Variants in RAP1GAP2 observed in about 807,000 individuals in gnomAD.
RAP1GAP2 encodes the protein rap1 GTPase-activating protein 2.
A neutral mutation model predicts 95.0 loss-of-function variants in RAP1GAP2; 27 were observed. The ratio of observed to expected loss-of-function variants is 0.28; its 90% CI spans 0.21 to 0.39. The LOEUF is 0.39. Ranked by LOEUF, RAP1GAP2 falls within the 10% of genes least tolerant of loss-of-function variation. RAP1GAP2 has a pLI of 1.00. For missense variants in RAP1GAP2, 771 were observed against 970.0 expected (o/e 0.79, Z 2.72); for synonymous variants, 373 against 380.9 (o/e 0.98, Z 0.24).
At chr17:2,999,965 T>C (rs987615843) in intron 14 of RAP1GAP2, among the ~76,000 whole-genome samples, 1 of 152,106 alleles carries the variant, frequency 6.6e-6, no homozygotes, top group African/African-American at 2.4e-5. Context: ...CTTTTCTTTT[T>C]GAGACAGAGT....
chr17:3,036,964 G>GGAGGCCAGCAGGGACCAA lies in RAP1GAP2; in HGVS notation c.*3604_*3605insAGGCCAGCAGGGACCAAG. On this transcript the variant is annotated 3_prime_UTR_variant, in exon 25 of 25. Transcript: ENST00000254695. ...GGGTACAGGAGGCCAGCAGGGACCA[G>GGAGGCCAGCAGGGACCAA]GCCAGTCAGCCATGCTCAGGACCCC... 6.5e-6 allele frequency: 1 copy of GGAGGCCAGCAGGGACCAA among 152,856 alleles called. No individual in the cohort carries two copies. The highest frequency in any genetic ancestry group is 2.4e-5 in the African/African-American group (1 of 41,434). The allele number at this position is 152,856 out of a possible 1,614,324, so 9.5% of individuals were successfully genotyped here.
intron 3 of RAP1GAP2, among the ~76,000 whole-genome samples, chr17:2,954,820 C>T (rs2044052753): frequency 6.6e-6 from 1 of 151,944 alleles, no homozygotes; most frequent in Non-Finnish European, 1.5e-5. Flanking sequence ...TCTTGAACTC[C>T]TGACCTCGTG....
At chr17:2,889,814 C>T (rs1324783887) in intron 2 of RAP1GAP2, among the ~76,000 whole-genome samples, 1 of 143,510 alleles carries the variant, frequency 7.0e-6, no homozygotes, top group African/African-American at 2.6e-5. Context: ...TCCAGAGTAG[C>T]TGGGACTACA....
intron 2 of RAP1GAP2, among the ~76,000 whole-genome samples, chr17:2,823,009 G>T (rs886537724): frequency 2.6e-5 from 4 of 152,140 alleles, no homozygotes; most frequent in African/African-American, 9.7e-5. Context: ...GTTACTCAGG[G>T]AGTGCTGCTT....
At chr17:2,941,080 G>A (rs374043392) in intron 3 of RAP1GAP2, among the ~76,000 whole-genome samples, 1 of 152,156 alleles carries the variant, frequency 6.6e-6, no homozygotes, top group African/African-American at 2.4e-5. Context: ...TTTAAGCTGC[G>A]AACTGATCTC....
At chr17:2,901,424 A>G (rs1567758533) in intron 2 of RAP1GAP2, among the ~76,000 whole-genome samples, 1 of 151,556 alleles carries the variant, frequency 6.6e-6, no homozygotes, top group African/African-American at 2.4e-5. Flanking sequence ...CCCTCCTCTC[A>G]TGGGTCCTTG....
chr17:2,921,527 A>G (rs2042769035), intron 3 of RAP1GAP2, among the ~76,000 whole-genome samples: 1 of 152,150 alleles, frequency 6.6e-6, no homozygotes, highest in Non-Finnish European at 1.5e-5. Flanking sequence ...TCACAACTCT[A>G]GAGGCCAGAA....
intron 2 of RAP1GAP2, among the ~76,000 whole-genome samples, chr17:2,809,752 G>A (rs1016494471): frequency 4.6e-5 from 7 of 152,198 alleles, no homozygotes; most frequent in Non-Finnish European, 1.0e-4. Flanking sequence ...TCCCCAGATT[G>A]TGCACCCCCT....
chr17:2,767,460 C>T (rs946401355), intron 1 of RAP1GAP2, among the ~76,000 whole-genome samples: 7 of 151,382 alleles, frequency 4.6e-5, no homozygotes, highest in African/African-American at 7.3e-5. Context: ...TGCCCTCATC[C>T]ACCCTCTTCT....
At chr17:2,936,706 G>A (rs184808217) in intron 3 of RAP1GAP2, among the ~76,000 whole-genome samples, 10 of 152,106 alleles carry the variant, frequency 6.6e-5, no homozygotes, top group South Asian at 4.2e-4. Context: ...ACCATTAGAC[G>A]CAGCCCTGAC....
intron 3 of RAP1GAP2, among the ~76,000 whole-genome samples, chr17:2,920,085 G>T (rs933572079): frequency 3.3e-5 from 5 of 150,080 alleles, no homozygotes; most frequent in Middle Eastern, 3.5e-3. Context: ...GCTCACTGCA[G>T]CCTTGACCTT....
rs9905665 is a variant in RAP1GAP2 at position 3,003,812 on chromosome 17, G to T, written c.1201-1557G>T. On this transcript the variant is annotated intron_variant, in intron 14 of 24. Coordinates refer to ENST00000254695, the MANE Select transcript of RAP1GAP2 (RefSeq NM_015085.5). The surrounding 1 kb of genome is among the most constrained non-coding windows in gnomAD (Gnocchi z 4.1). The stretch of plus-strand genomic sequence containing the variant: ...GGGAACAACAAAGGCCTGGCCGCCT[G>T]GTTGGAATGGGGTCAAGAGAGGCGC... Among the ~76,000 whole-genome samples, 336 of 152,294 alleles carry T rather than the reference G, an allele frequency of 2.2e-3. 3 individuals carry two copies. Among genetic ancestry groups the T allele is most frequent in the African/African-American group, 7.6e-3 (317 of 41,556 alleles).
Position 3,005,939 on chromosome 17 carries a change from G to A in RAP1GAP2, c.1273-16G>A, listed in dbSNP as rs371742043. ...GCCGAGAGTGACAGACCTGAGGTCC[G>A]TCTTGTCTCTTCCAGGGCCCGGAAT... is the stretch of plus-strand genomic sequence containing the variant. On this transcript the variant is annotated splice_polypyrimidine_tract_variant and intron_variant, in intron 15 of 24. Coordinates refer to ENST00000254695, the MANE Select transcript of RAP1GAP2 (RefSeq NM_015085.5). The surrounding 1 kb of genome is among the most constrained non-coding windows in gnomAD (Gnocchi z 5.2). 1.8e-4 allele frequency: 288 copies of A among 1,611,200 alleles called. No individual in the cohort carries two copies. The highest frequency in any genetic ancestry group is 5.0e-4 in the Admixed American group (30 of 60,002).
chr17:2,814,088 T>C (rs1245533819), intron 2 of RAP1GAP2, among the ~76,000 whole-genome samples: 1 of 152,176 alleles, frequency 6.6e-6, no homozygotes, highest in African/African-American at 2.4e-5. Context: ...AGGTTCACCT[T>C]GACAGCATTC....
intron 22 of RAP1GAP2, among the ~76,000 whole-genome samples, chr17:3,028,062 G>C (rs1215588857): frequency 1.3e-5 from 2 of 151,948 alleles, no homozygotes; most frequent in Non-Finnish European, 2.9e-5. Context: ...TCCAAATCCT[G>C]GGTCTGCTGC....
At chr17:2,813,895 G>A (rs1266285091) in intron 2 of RAP1GAP2, among the ~76,000 whole-genome samples, 2 of 152,000 alleles carry the variant, frequency 1.3e-5, no homozygotes, top group Admixed American at 6.6e-5. Context: ...CCCGGGAGGC[G>A]GAGGTTGCAG....
At chr17:2,926,451 A>G (rs543197599) in intron 3 of RAP1GAP2, among the ~76,000 whole-genome samples, 1 of 152,194 alleles carries the variant, frequency 6.6e-6, no homozygotes, top group Non-Finnish European at 1.5e-5. Context: ...CTCACTGCAC[A>G]CTGTGAATAT....
At chr17:2,876,853 G>T (rs1289992296) in intron 2 of RAP1GAP2, among the ~76,000 whole-genome samples, 1 of 151,846 alleles carries the variant, frequency 6.6e-6, no homozygotes, top group Non-Finnish European at 1.5e-5. Context: ...TCAGTTGGTT[G>T]GGGGCCTTAG....
chr17:2,952,740 T>A (rs981204130), intron 3 of RAP1GAP2, among the ~76,000 whole-genome samples: 26 of 152,190 alleles, frequency 1.7e-4, no homozygotes, highest in African/African-American at 6.0e-4. Flanking sequence ...TGGGTTTGTT[T>A]CCATGTGTTC....
Sources: allele counts gnomAD v4.1 joint callset (sites outside exome capture counted in the v4.1 genomes callset), GRCh38; gene constraint gnomAD v4.1.1; non-coding constraint Gnocchi (gnomAD v3.1); transcripts MANE v1.5; gene names NCBI Gene and HGNC (gene_info 2026-07-23, HGNC 2026-07-21).